Variants in LRRFIP2 observed in about 807,000 individuals in gnomAD.
LRRFIP2 encodes the protein leucine-rich repeat flightless-interacting protein 2.
A neutral mutation model predicts 125.9 loss-of-function variants in LRRFIP2; 109 were observed. That is an observed-to-expected ratio of 0.87 (90% confidence interval 0.74 to 1.01). The LOEUF (loss-of-function observed/expected upper bound fraction) is 1.01, where lower values mean the gene tolerates loss of function less well. Ranked by LOEUF, LRRFIP2 falls within the 50% of genes least tolerant of loss-of-function variation. The probability of loss-of-function intolerance (pLI) is 0.00; values close to 1 mark genes in which losing one functional copy is unlikely to be tolerated. For synonymous variants in LRRFIP2, 291 were observed against 293.1 expected, an observed-to-expected ratio of 0.99 and a Z score of 0.07; for missense variants, 850 against 862.3, an observed-to-expected ratio of 0.99 and a Z score of 0.18.
In LRRFIP2 at chr3:37,115,069, T is replaced by G. The variant is rs2094717293; in HGVS notation, c.357A>C (p.Ser119=). The change falls in exon 7 of 28, where the codon TCA becomes TCC. Residue 119 remains serine (S), a synonymous_variant. Transcript: ENST00000336686. ...HRYDMFKDRS[S]RLSSLNHSYS... ...TGCTACATACTAATGATGAAAGTCTTGATGATCTATCCTTGAACATATCAT... is the reference window on the plus strand; with the variant it reads ...TGCTACATACTAATGATGAAAGTCTGGATGATCTATCCTTGAACATATCAT... 1 of 1,607,074 alleles carries G rather than the reference T, an allele frequency of 6.2e-7. No individual in the cohort carries two copies. The highest frequency in any genetic ancestry group is 1.1e-5 in the South Asian group (1 of 89,750).
chr3:37,117,472 T>C lies in LRRFIP2; in HGVS notation c.331-2377A>G, dbSNP rs555800207. Among the ~76,000 whole-genome samples the C allele has an allele frequency of 1.3e-5, 2 of 152,240 alleles. 1 individual carries two copies. On this transcript the variant is annotated intron_variant, in intron 6 of 27. Transcript: ENST00000336686. ...AAAAAGTCACCCCAATAAGTAAAAG[T>C]TGGCCTTTATATTGTTGTAAAGAAA...
chr3:37,054,726 G>A (rs2086310532), intron 26 of LRRFIP2, among the ~76,000 whole-genome samples: 1 of 152,074 alleles, frequency 6.6e-6, no homozygotes, highest in African/African-American at 2.4e-5. Flanking sequence ...GTCATTTTAG[G>A]GCCAATTTCC....
At chr3:37,067,881 A>G (rs2090444146) in intron 21 of LRRFIP2, 1 of 152,194 alleles carries the variant, frequency 6.6e-6, no homozygotes, top group Non-Finnish European at 1.5e-5. Flanking sequence ...AAAGCCCTTA[A>G]ATAGTTTTTT....
At chr3:37,119,542 A>G (rs2094935414) in intron 6 of LRRFIP2, among the ~76,000 whole-genome samples, 1 of 152,242 alleles carries the variant, frequency 6.6e-6, no homozygotes, top group Non-Finnish European at 1.5e-5. Flanking sequence ...TGCGAACATT[A>G]TAATGAAAAG....
At chr3:37,055,638 A>G (rs985334326) in intron 25 of LRRFIP2, among the ~76,000 whole-genome samples, 1 of 152,200 alleles carries the variant, frequency 6.6e-6, no homozygotes, top group African/African-American at 2.4e-5. Context: ...CAGGTTCTGG[A>G]CTGTATATAC....
At position 37,108,676 on chromosome 3, in the gene LRRFIP2, C is replaced by T. The variant is rs761892814; in HGVS notation, c.618G>A (p.Leu206=). 1 of 1,609,172 alleles carries T rather than the reference C, an allele frequency of 6.2e-7. No homozygotes were observed. The highest frequency in any genetic ancestry group is 8.5e-7 in the Non-Finnish European group (1 of 1,175,852). The change falls in exon 12 of 28, where the codon TTG becomes TTA. Residue 206 remains leucine, a synonymous_variant. Coordinates refer to ENST00000336686, the MANE Select transcript of LRRFIP2 (RefSeq NM_006309.4). ...GLLRSASLAS[L]YNGGLYNPYG... is the part of the protein sequence containing the mutation. ...AAGGGTTATATAATCCACCATTGTA[C>T]AATGATGCCTAAGGAACAAAGGAAA...
At chr3:37,074,255 A>C (rs371758071) in intron 20 of LRRFIP2, among the ~76,000 whole-genome samples, 1 of 152,148 alleles carries the variant, frequency 6.6e-6, no homozygotes. Context: ...TGGTTGTGAG[A>C]TCTCTCTCCT....
At chr3:37,134,196 A>C (rs1185067002) in intron 2 of LRRFIP2, among the ~76,000 whole-genome samples, 2 of 152,090 alleles carry the variant, frequency 1.3e-5, no homozygotes, top group Non-Finnish European at 2.9e-5. Flanking sequence ...AAAAAAAAAA[A>C]AAGACAGTGA....
rs189174730 is a variant in LRRFIP2 at position 37,095,223 on chromosome 3, G to A, written c.919-315C>T. ...TTGCTATCCTGTAAACAATACTTAAGTGAGCACATCAGATTAACTTAAAGC... is the reference window on the plus strand; with the variant it reads ...TTGCTATCCTGTAAACAATACTTAAATGAGCACATCAGATTAACTTAAAGC... On this transcript the variant is annotated intron_variant, in intron 16 of 27. Transcript: ENST00000336686. Among the ~76,000 whole-genome samples the A allele has an allele frequency of 1.4e-3, 212 of 152,342 alleles. 2 individuals carry two copies. The highest frequency in any genetic ancestry group is 2.4e-3 in the Non-Finnish European group (164 of 68,038).
chr3:37,151,846 C>G (rs1325385458), intron 1 of LRRFIP2, among the ~76,000 whole-genome samples: 3 of 152,138 alleles, frequency 2.0e-5, no homozygotes, highest in Non-Finnish European at 4.4e-5. Context: ...GGCGGGTGAT[C>G]TGCCTGCCTC....
chr3:37,066,701 CA>C (rs11456811), intron 21 of LRRFIP2: 8 of 169,024 alleles, frequency 4.7e-5, no homozygotes, highest in Admixed American at 1.7e-4. Flanking sequence ...ATTTGGTGAA[CA>C]AAAAAAACCC....
At chr3:37,058,484 G>GTA (rs749429999) in intron 25 of LRRFIP2, among the ~76,000 whole-genome samples, 2 of 152,044 alleles carry the variant, frequency 1.3e-5, no homozygotes, top group Non-Finnish European at 2.9e-5. Context: ...GACCAGCCTG[G>GTA]TAACTATGGT....
At chr3:37,129,754 A>T (rs1006946356) in intron 2 of LRRFIP2, among the ~76,000 whole-genome samples, 2 of 152,186 alleles carry the variant, frequency 1.3e-5, no homozygotes, top group African/African-American at 4.8e-5. Context: ...GCACTTTGGG[A>T]GGCCAAGGCA....
At chr3:37,092,127 G>A (rs2093475688) in intron 17 of LRRFIP2, among the ~76,000 whole-genome samples, 1 of 152,144 alleles carries the variant, frequency 6.6e-6, no homozygotes, top group South Asian at 2.1e-4. Flanking sequence ...CTATCCTGAG[G>A]ATACCATTTA....
intron 20 of LRRFIP2, among the ~76,000 whole-genome samples, chr3:37,073,171 A>G (rs1259536384): frequency 6.6e-6 from 1 of 152,250 alleles, no homozygotes; most frequent in Non-Finnish European, 1.5e-5. Context: ...GTGTACATAC[A>G]GCTCCATATG....
intron 21 of LRRFIP2, among the ~76,000 whole-genome samples, chr3:37,070,881 A>G (rs1371773334): frequency 6.6e-6 from 1 of 152,216 alleles, no homozygotes; most frequent in African/African-American, 2.4e-5. Flanking sequence ...CTGGGCCTAC[A>G]GATCTGTGTT....
At chr3:37,133,178 T>C (rs749391351) in intron 2 of LRRFIP2, among the ~76,000 whole-genome samples, 48 of 152,168 alleles carry the variant, frequency 3.2e-4, no homozygotes, top group African/African-American at 3.4e-4. Flanking sequence ...TGAGCCAAGA[T>C]TGCACCACTG....
intron 4 of LRRFIP2, among the ~76,000 whole-genome samples, chr3:37,123,844 A>G (rs988633454): frequency 2.0e-5 from 3 of 152,238 alleles, no homozygotes; most frequent in Non-Finnish European, 4.4e-5. Context: ...TTAAAGATGC[A>G]GCAAAGACAG....
At chr3:37,065,693 G>A (rs1424566886) in intron 23 of LRRFIP2, 117 bp downstream of exon 23, 58 of 1,254,978 alleles carry the variant, frequency 4.6e-5, no homozygotes, top group Non-Finnish European at 6.4e-5. Context: ...TTCTAGTTAA[G>A]GATCTACTTG....
Sources: allele counts gnomAD v4.1 joint callset (sites outside exome capture counted in the v4.1 genomes callset), GRCh38; gene constraint gnomAD v4.1.1; transcripts MANE v1.5; gene names NCBI Gene and HGNC (gene_info 2026-07-23, HGNC 2026-07-21).